RIPOR2: variants seen among roughly 807,000 people sequenced by gnomAD.
RIPOR2 encodes the protein rho family-interacting cell polarization regulator 2.
In RIPOR2, 39 loss-of-function variants were observed where a neutral mutation model predicts 114.5. That is an observed-to-expected ratio of 0.34 (90% CI 0.26 to 0.44). The LOEUF is 0.44. RIPOR2 is among the 20% of genes least tolerant of loss of function. RIPOR2 has a pLI of 1.00. For missense variants in RIPOR2, 1,007 were observed against 1,255.1 expected, an observed-to-expected ratio of 0.80 and a Z score of 2.99; for synonymous variants, 445 against 484.4, an observed-to-expected ratio of 0.92 and a Z score of 1.07.
intron 1 of RIPOR2, among the ~76,000 whole-genome samples, chr6:24,909,574 T>G (rs1310552128): frequency 6.6e-6 from 1 of 151,928 alleles, no homozygotes; most frequent in Non-Finnish European, 1.5e-5. Context: ...AAGAAATGAT[T>G]GTGTGTCAGC....
intron 1 of RIPOR2, among the ~76,000 whole-genome samples, chr6:24,879,582 C>T (rs772149803): frequency 6.6e-6 from 1 of 152,156 alleles, no homozygotes; most frequent in African/African-American, 2.4e-5. Flanking sequence ...AGCACGCACA[C>T]ACACAAAGTC....
chr6:24,833,930 A>G (rs1487476745), intron 15 of RIPOR2, among the ~76,000 whole-genome samples: 3 of 152,330 alleles, frequency 2.0e-5, no homozygotes, highest in South Asian at 2.1e-4. Context: ...GAATTCTCTT[A>G]TGTCTCACAA....
chr6:25,020,265 GA>G (rs982972403), intron 1 of RIPOR2, among the ~76,000 whole-genome samples: 4 of 151,790 alleles, frequency 2.6e-5, no homozygotes, highest in South Asian at 2.1e-4. Context: ...AATTGTGCAA[GA>G]AAAAAAAGAA....
At chr6:24,866,982 C>T (rs1412677627) in intron 6 of RIPOR2, among the ~76,000 whole-genome samples, 1 of 152,178 alleles carries the variant, frequency 6.6e-6, no homozygotes, top group African/African-American at 2.4e-5. Flanking sequence ...CACTAAAAAG[C>T]ATTACTATAA....
chr6:24,913,684 T>C (rs1023242254), intron 1 of RIPOR2, among the ~76,000 whole-genome samples: 5 of 152,246 alleles, frequency 3.3e-5, no homozygotes, highest in African/African-American at 9.6e-5. Flanking sequence ...ACTGCTCCTG[T>C]GTGGTCACCA....
rs1368959518 is a variant in RIPOR2, at chr6:24,828,276, G to A, written c.2526C>T (p.Ser842=). The A allele has an allele frequency of 6.5e-7, 1 of 1,547,326 alleles. No homozygotes were observed. The highest frequency in any genetic ancestry group is 8.7e-7 in the Non-Finnish European group (1 of 1,144,544). Residue 842 remains serine (S), a synonymous_variant, in exon 18 of 22, where the codon TCC becomes TCT. Coordinates refer to ENST00000643898, the MANE Select transcript of RIPOR2 (RefSeq NM_001286445.3). ...GAGGCTCAGCCCGGTCCAGAATTTG[G>A]GACACCAGGGTTCGAAACACTATTC... ...LADPVFRTLV[S]QILDRAEPLL... is the part of the protein sequence containing the mutation.
intron 5 of RIPOR2, among the ~76,000 whole-genome samples, chr6:24,869,452 G>T (rs1764946847): frequency 6.6e-6 from 1 of 151,740 alleles, no homozygotes; most frequent in Non-Finnish European, 1.5e-5. Flanking sequence ...CAAGTAGCTG[G>T]GATTACAGGT....
At chr6:25,031,736 T>TCC (rs1561855830) in intron 1 of RIPOR2, among the ~76,000 whole-genome samples, 33 of 92,044 alleles carry the variant, frequency 3.6e-4, no homozygotes, top group African/African-American at 1.1e-3. Context: ...TATATATATA[T>TCC]ATATATATAT....
At chr6:24,807,703 G>T in intron 21 of RIPOR2, among the ~76,000 whole-genome samples, 1 of 152,222 alleles carries the variant, frequency 6.6e-6, no homozygotes, top group East Asian at 1.9e-4. Flanking sequence ...TGGACAGTGC[G>T]CATATAGAAC....
At chr6:24,850,442 T>C (rs1284837864) in intron 10 of RIPOR2, among the ~76,000 whole-genome samples, 155 bp downstream of exon 10, 1 of 152,148 alleles carries the variant, frequency 6.6e-6, no homozygotes, top group Non-Finnish European at 1.5e-5. Context: ...TGACTTTACT[T>C]ACTCTGATGA....
chr6:24,943,458 T>G (rs1190439760), intron 1 of RIPOR2, among the ~76,000 whole-genome samples: 1 of 152,014 alleles, frequency 6.6e-6, no homozygotes. Context: ...AACCTGCATG[T>G]TGTGCACATG....
intron 1 of RIPOR2, among the ~76,000 whole-genome samples, chr6:24,944,552 A>G (rs1186727365): frequency 1.3e-5 from 2 of 152,358 alleles, no homozygotes; most frequent in East Asian, 3.9e-4. Context: ...TCAGCAAAAA[A>G]TTATGAAACA....
chr6:24,987,758 C>A (rs951880968), intron 1 of RIPOR2, among the ~76,000 whole-genome samples: 2 of 152,120 alleles, frequency 1.3e-5, no homozygotes, highest in African/African-American at 2.4e-5. Flanking sequence ...ATGGCATATA[C>A]CACATGGGAT....
rs139012976 is a variant in RIPOR2, at chr6:24,972,595, A to C, written c.76+69256T>G. Reference sequence around the variant, plus strand: ...GCTTCAGGGGTTTTATGATGTCTCAAAGGGATATTATAATGCCTCATGGAG... The same window carrying C: ...GCTTCAGGGGTTTTATGATGTCTCACAGGGATATTATAATGCCTCATGGAG... On this transcript the variant is annotated intron_variant, in intron 1 of 13. Coordinates refer to the RIPOR2 transcript ENST00000510784. 3.3e-5 allele frequency among the ~76,000 whole-genome samples: 5 copies of C among 152,192 alleles called. No homozygotes were observed. The East Asian group carries it at 9.6e-4, about 29-fold the overall frequency.
chr6:24,976,742 A>G, intron 1 of RIPOR2: 1 of 1,610,952 alleles, frequency 6.2e-7, no homozygotes, highest in Non-Finnish European at 8.5e-7. Context: ...TGAAGATGAG[A>G]ACTTCATCCT....
At chr6:24,975,117 A>T (rs563090186) in intron 1 of RIPOR2, among the ~76,000 whole-genome samples, 1 of 152,350 alleles carries the variant, frequency 6.6e-6, no homozygotes, top group East Asian at 1.9e-4. Context: ...ATTGAATTAT[A>T]CACTTTAAAT....
At chr6:24,977,445 A>C (rs1371760971) in intron 1 of RIPOR2, among the ~76,000 whole-genome samples, 10 of 152,182 alleles carry the variant, frequency 6.6e-5, no homozygotes, top group African/African-American at 1.7e-4. Context: ...AGAGAAATTC[A>C]GAACACAAGC....
chr6:24,902,564 G>A (rs1768584287), intron 1 of RIPOR2, among the ~76,000 whole-genome samples: 1 of 152,040 alleles, frequency 6.6e-6, no homozygotes, highest in Admixed American at 6.6e-5. Context: ...CCCAATTTGA[G>A]GACACTTCCT....
intron 14 of RIPOR2, among the ~76,000 whole-genome samples, chr6:24,837,670 A>G (rs1370994254): frequency 1.3e-5 from 2 of 152,240 alleles, no homozygotes; most frequent in Non-Finnish European, 2.9e-5. Context: ...TTGGCTTCCC[A>G]AAGTGCTGGG....
Sources: allele counts gnomAD v4.1 joint callset (sites outside exome capture counted in the v4.1 genomes callset), GRCh38; gene constraint gnomAD v4.1.1; transcripts MANE v1.5; gene names NCBI Gene and HGNC (gene_info 2026-07-23, HGNC 2026-07-21).